VSTM5: variants seen among roughly 807,000 people sequenced by gnomAD.
The protein encoded by VSTM5 is V-set and transmembrane domain containing 5, also known as V-set and transmembrane domain-containing protein 5.
VSTM5 carries 21 observed loss-of-function variants against 20.3 expected under a neutral mutation model. The ratio of observed to expected loss-of-function variants is 1.03; its 90% confidence interval spans 0.73 to 1.49. VSTM5 has a LOEUF of 1.49. VSTM5 is among the 40% of genes most tolerant of loss of function. The pLI is 0.00. For missense variants in VSTM5, 219 were observed against 250.0 expected, an observed-to-expected ratio of 0.88 and a Z score of 0.84; for synonymous variants, 100 against 102.5, an observed-to-expected ratio of 0.98 and a Z score of 0.14.
intron 1 of VSTM5, among the ~76,000 whole-genome samples, chr11:93,822,996 T>C (rs960729752): frequency 6.6e-6 from 1 of 152,194 alleles, no homozygotes; most frequent in Non-Finnish European, 1.5e-5. Context: ...CAGGTTAATA[T>C]CCTGGGAGAC....
At chr11:93,850,358 GC>G (rs1266216911) in intron 1 of VSTM5, 53 bp downstream of exon 1, 10 of 1,463,410 alleles carry the variant, frequency 6.8e-6, no homozygotes, top group Non-Finnish European at 8.3e-6. Context: ...CCCCGCCCGT[GC>G]CCCCCTACCC....
At chr11:93,822,499 C>T (rs561290690) in intron 1 of VSTM5, among the ~76,000 whole-genome samples, 2 of 142,860 alleles carry the variant, frequency 1.4e-5, no homozygotes, top group East Asian at 4.4e-4. Context: ...TTTTGTTTTG[C>T]TTTTGAGACA....
intron 1 of VSTM5, among the ~76,000 whole-genome samples, chr11:93,847,603 CCTA>C (rs1446234655): frequency 6.6e-6 from 1 of 152,260 alleles, no homozygotes; most frequent in Non-Finnish European, 1.5e-5. Flanking sequence ...ACTAAACTAT[CCTA>C]CTATAGTCTT....
Position 93,850,330 on chromosome 11 carries a change from C to A in VSTM5, c.91+82G>T, listed in dbSNP as rs191690203. ...CAAGGTGGGCGAGGGCCAGGGGGGC[C>A]GCTGCTAGACCCCGGGGCCCCGCCC... is the stretch of plus-strand genomic sequence containing the variant. On this transcript the variant is annotated intron_variant, in intron 1 of 3. Transcript: ENST00000409977. The A allele has an allele frequency of 1.4e-3, 1,788 of 1,266,232 alleles. 21 individuals are homozygous for A. The African/African-American group carries it at 0.024, about 17-fold the overall frequency. 78.4% of individuals were successfully genotyped at this position (1,266,232 alleles called of 1,614,324 possible).
At chr11:93,849,291 G>T (rs535610742) in intron 1 of VSTM5, among the ~76,000 whole-genome samples, 2 of 152,206 alleles carry the variant, frequency 1.3e-5, no homozygotes, top group East Asian at 3.9e-4. Context: ...CCCAGTAGCT[G>T]GGCCTACAGG....
intron 1 of VSTM5, among the ~76,000 whole-genome samples, chr11:93,848,803 T>C (rs1944434397): frequency 6.6e-6 from 1 of 152,172 alleles, no homozygotes; most frequent in Non-Finnish European, 1.5e-5. Context: ...AGTGAGTGAA[T>C]GAATGAATTA....
intron 1 of VSTM5, among the ~76,000 whole-genome samples, chr11:93,834,737 T>C (rs183476345): frequency 0.044 from 6,243 of 141,700 alleles, 425 homozygotes; most frequent in African/African-American, 0.16. Context: ...GAGCTGAGAT[T>C]GTGCCACTGC....
intron 1 of VSTM5, among the ~76,000 whole-genome samples, chr11:93,850,202 C>T (rs11020540): frequency 0.33 from 50,748 of 151,888 alleles, 8,908 homozygotes; most frequent in East Asian, 0.58. Context: ...CTTTGCCCAG[C>T]CCCTCCCGCT....
At chr11:93,849,091 G>A (rs956518765) in intron 1 of VSTM5, among the ~76,000 whole-genome samples, 1 of 152,120 alleles carries the variant, frequency 6.6e-6, no homozygotes, top group Non-Finnish European at 1.5e-5. Context: ...ATGTTAGATC[G>A]TTCAGTCACC....
intron 1 of VSTM5, among the ~76,000 whole-genome samples, chr11:93,826,490 C>T (rs1309884953): frequency 2.0e-5 from 3 of 151,866 alleles, no homozygotes; most frequent in South Asian, 2.1e-4. Context: ...CTCCACCTCC[C>T]GGGTTCGTGC....
intron 1 of VSTM5, among the ~76,000 whole-genome samples, chr11:93,838,197 C>T (rs905061077): frequency 1.3e-5 from 2 of 152,176 alleles, no homozygotes; most frequent in African/African-American, 2.4e-5. Flanking sequence ...AAAAGTCAGG[C>T]GTGGTGGCTC....
chr11:93,846,438 G>A (rs1944411176), intron 1 of VSTM5, among the ~76,000 whole-genome samples: 1 of 152,242 alleles, frequency 6.6e-6, no homozygotes, highest in East Asian at 1.9e-4. Flanking sequence ...CATTTTCTGA[G>A]ATGGGGAGGA....
chr11:93,850,140 GGTGGGGCGGGCGCCCCGAA>G (rs1944446389), intron 1 of VSTM5, among the ~76,000 whole-genome samples: 1 of 152,190 alleles, frequency 6.6e-6, no homozygotes, highest in Admixed American at 6.5e-5. Context: ...GGGCTCGCCG[GGTGGGGCGGGCGCCCCGAA>G]GTGGGCCGGG....
Position 93,850,569 on chromosome 11 carries a change from C to G in VSTM5, c.-67G>C. 8.1e-7 allele frequency: 1 copy of G among 1,229,158 alleles called. No homozygotes were observed. Among genetic ancestry groups the G allele is most frequent in the East Asian group, 2.8e-5 (1 of 35,324 alleles). 76.1% of individuals were successfully genotyped at this position (1,229,158 alleles called of 1,614,324 possible). A position where few individuals can be genotyped will look rare whatever the true frequency, so the allele number is the denominator to read the frequency against. On this transcript the variant is annotated 5_prime_UTR_variant, in exon 1 of 4. Coordinates refer to ENST00000409977, the MANE Select transcript of VSTM5 (RefSeq NM_001144871.2). The stretch of plus-strand genomic sequence containing the variant: ...GCACCGCGCTGCAGCTCCTATGCAG[C>G]CTTCTCTCTTCCTCCGCCTCTGGCT...
At chr11:93,829,443 G>T (rs1249782887) in intron 1 of VSTM5, among the ~76,000 whole-genome samples, 3 of 152,158 alleles carry the variant, frequency 2.0e-5, no homozygotes, top group African/African-American at 7.2e-5. Flanking sequence ...CACGAGAATC[G>T]CTTGAACCTG....
rs1211149049 is a variant in VSTM5, at chr11:93,820,861, G to C, written c.441C>G (p.His147Gln). The part of the protein sequence containing the change: ...HVSEILYEDL[H>Q]FVAVILAFLA... ...GAAAAGCAAGGATGACAGCGACAAA[G>C]TGCAGGTCTTCATAGAGGATCTCTA... is the stretch of plus-strand genomic sequence containing the variant. Residue 147 changes from histidine (H) to glutamine (Q), a missense_variant, in exon 3 of 4, where the codon CAC becomes CAG. Physicochemically the swap from His to Gln is conservative, Grantham distance 24. Coordinates refer to ENST00000409977, the MANE Select transcript of VSTM5 (RefSeq NM_001144871.2). 1 of 1,550,536 alleles carries C rather than the reference G, an allele frequency of 6.4e-7. No individual in the cohort carries two copies. Among genetic ancestry groups the C allele is most frequent in the African/African-American group, 1.4e-5 (1 of 73,050 alleles).
Position 93,850,552 on chromosome 11 carries a change from C to A in VSTM5, c.-50G>T. 7.1e-7 allele frequency: 1 copy of A among 1,404,816 alleles called. No homozygotes were observed. The highest frequency in any genetic ancestry group is 9.7e-7 in the Non-Finnish European group (1 of 1,030,862). The allele number at this position is 1,404,816 out of a possible 1,614,324, so 87.0% of individuals were successfully genotyped here. A position where few individuals can be genotyped will look rare whatever the true frequency, so the allele number is the denominator to read the frequency against. On this transcript the variant is annotated 5_prime_UTR_variant, in exon 1 of 4. Transcript: ENST00000409977. Reference sequence around the variant, plus strand: ...CGGGGTGTGTGCTGGCCGCACCGCGCTGCAGCTCCTATGCAGCCTTCTCTC... The same window carrying A: ...CGGGGTGTGTGCTGGCCGCACCGCGATGCAGCTCCTATGCAGCCTTCTCTC...
chr11:93,839,956 G>T (rs1944357885), intron 1 of VSTM5, among the ~76,000 whole-genome samples: 1 of 152,154 alleles, frequency 6.6e-6, no homozygotes, highest in Non-Finnish European at 1.5e-5. Context: ...TGGAGTGAGT[G>T]CCGTGTGAAG....
At position 93,850,535 on chromosome 11, in the gene VSTM5, G is replaced by T; in HGVS notation, c.-33C>A. On this transcript the variant is annotated 5_prime_UTR_variant, in exon 1 of 4. Coordinates refer to ENST00000409977, the MANE Select transcript of VSTM5 (RefSeq NM_001144871.2). ...CCCGGGGCCTCGCGGGCCGGGGTGTGTGCTGGCCGCACCGCGCTGCAGCTC... is the reference window on the plus strand; with the variant it reads ...CCCGGGGCCTCGCGGGCCGGGGTGTTTGCTGGCCGCACCGCGCTGCAGCTC... The T allele has an allele frequency of 6.6e-7, 1 of 1,506,276 alleles. No homozygotes were observed. The highest frequency in any genetic ancestry group is 9.0e-7 in the Non-Finnish European group (1 of 1,113,768). 93.3% of individuals were successfully genotyped at this position (1,506,276 alleles called of 1,614,324 possible). A position where few individuals can be genotyped will look rare whatever the true frequency, so the allele number is the denominator to read the frequency against.
Sources: gnomAD v4.1 joint callset for allele counts (sites outside exome capture counted in the v4.1 genomes callset) on GRCh38, gnomAD v4.1.1 for gene constraint, MANE v1.5 for transcripts, NCBI Gene and HGNC (gene_info 2026-07-23, HGNC 2026-07-21) for gene names.